NFYA: variants seen among roughly 807,000 people sequenced by gnomAD.
The protein encoded by NFYA is nuclear transcription factor Y subunit alpha.
A neutral mutation model predicts 52.8 loss-of-function variants in NFYA; 28 were observed. The ratio of observed to expected loss-of-function variants is 0.53; its 90% CI spans 0.39 to 0.73. The LOEUF (loss-of-function observed/expected upper bound fraction) is 0.73. NFYA is among the 30% of genes least tolerant of loss of function. The pLI, the probability that NFYA is intolerant of heterozygous loss-of-function variation, is 0.00. For synonymous variants in NFYA, 150 were observed against 150.7 expected, an observed-to-expected ratio of 1.00 and a Z score of 0.03; for missense variants, 234 against 427.0, an observed-to-expected ratio of 0.55 and a Z score of 3.98.
Position 41,090,519 on chromosome 6 carries a change from T to C in NFYA, c.547+210T>C, listed in dbSNP as rs1764171797. On this transcript the variant is annotated intron_variant, in intron 6 of 9. Coordinates refer to ENST00000341376, the MANE Select transcript of NFYA (RefSeq NM_002505.5). Reference sequence around the variant, plus strand: ...ATTCCATGTGTAGCAGTTTCTATAGTGGTTGCTAATCTAGGGATTGTGTAA... The same window carrying C: ...ATTCCATGTGTAGCAGTTTCTATAGCGGTTGCTAATCTAGGGATTGTGTAA... Among the ~76,000 whole-genome samples the C allele has an allele frequency of 2.0e-5, 3 of 152,316 alleles. No individual in the cohort carries two copies. The South Asian group carries it at 6.2e-4, about 32-fold the overall frequency.
chr6:41,079,612 T>C (rs1763852809), intron 2 of NFYA, among the ~76,000 whole-genome samples: 1 of 152,226 alleles, frequency 6.6e-6, no homozygotes, highest in Non-Finnish European at 1.5e-5. Flanking sequence ...GGATAATATT[T>C]AGACAGCCAT....
Position 41,101,213 on chromosome 6 carries a change from C to G in NFYA, c.*3803C>G, listed in dbSNP as rs1298315978. 1.3e-5 allele frequency: 2 copies of G among 152,276 alleles called. No individual in the cohort carries two copies. Among genetic ancestry groups the G allele is most frequent in the African/African-American group, 4.8e-5 (2 of 41,456 alleles). 9.4% of individuals were successfully genotyped at this position (152,276 alleles called of 1,614,324 possible). ...ACGGCCGGCACTTGCACTTAAGTCT[C>G]CTGGCCTGCGGGAGAGGCGGCCGTT... On this transcript the variant is annotated 3_prime_UTR_variant, in exon 10 of 10. Coordinates refer to ENST00000341376, the MANE Select transcript of NFYA (RefSeq NM_002505.5).
At chr6:41,087,670 A>C (rs1764083543) in intron 4 of NFYA, among the ~76,000 whole-genome samples, 1 of 152,178 alleles carries the variant, frequency 6.6e-6, no homozygotes, top group African/African-American at 2.4e-5. Flanking sequence ...AAAATACAAG[A>C]CATTTTGAGC....
intron 1 of NFYA, among the ~76,000 whole-genome samples, chr6:41,077,542 GTAT>G (rs1423952513): frequency 2.6e-5 from 2 of 75,548 alleles, no homozygotes; most frequent in South Asian, 4.1e-4. Flanking sequence ...AGCCATAAAT[GTAT>G]TGTGTATTAG....
chr6:41,096,640 A>T (rs918940683), intron 9 of NFYA, among the ~76,000 whole-genome samples: 2 of 152,188 alleles, frequency 1.3e-5, no homozygotes, highest in Admixed American at 6.5e-5. Context: ...TTTTTCTCAG[A>T]TCCTGCCTAC....
chr6:41,084,853 T>G (rs2113802121), intron 4 of NFYA, among the ~76,000 whole-genome samples: 1 of 152,234 alleles, frequency 6.6e-6, no homozygotes, highest in Non-Finnish European at 1.5e-5. Flanking sequence ...TCCCAGCTAC[T>G]TGGGGGGTTG....
intron 8 of NFYA, among the ~76,000 whole-genome samples, chr6:41,093,932 A>G (rs1416684530): frequency 2.0e-5 from 3 of 152,172 alleles, no homozygotes; most frequent in African/African-American, 7.2e-5. Context: ...AGGCAGGAGG[A>G]TCACATGAGC....
In NFYA at chr6:41,079,074, C is replaced by T. The variant is rs1464106521; in HGVS notation, c.-16C>T. 1 of 1,612,540 alleles carries T rather than the reference C, an allele frequency of 6.2e-7. No homozygotes were observed. Among genetic ancestry groups the T allele is most frequent in the African/African-American group, 1.3e-5 (1 of 74,906 alleles). ...TAGGATCTCCAGAGTGGACAGGAAT[C>T]TCACTTGGAGGGACCATGGAGCAGT... On this transcript the variant is annotated 5_prime_UTR_variant, in exon 2 of 10. Transcript: ENST00000341376.
rs1462287157 is a variant in NFYA at position 41,101,893 on chromosome 6, G to T, written c.*4483G>T. ...AAGTTACACCATGTTAATGGATAAA[G>T]GAATTACTCAGCTTGAAGGGATCTG... On this transcript the variant is annotated 3_prime_UTR_variant, in exon 10 of 10. Transcript: ENST00000341376. 6.6e-6 allele frequency: 1 copy of T among 152,212 alleles called. No individual in the cohort carries two copies. Among genetic ancestry groups the T allele is most frequent in the Non-Finnish European group, 1.5e-5 (1 of 68,044 alleles). The allele number at this position is 152,212 out of a possible 1,614,324, so 9.4% of individuals were successfully genotyped here.
chr6:41,075,290 T>G (rs1195432864), intron 1 of NFYA: 1 of 152,226 alleles, frequency 6.6e-6, no homozygotes, highest in Non-Finnish European at 1.5e-5. Context: ...GCTCAAGCCA[T>G]CCTCCCTTCT....
intron 1 of NFYA, chr6:41,075,233 C>T (rs969380986): frequency 6.6e-6 from 1 of 152,178 alleles, no homozygotes; most frequent in African/African-American, 2.4e-5. Flanking sequence ...GTCATCCAGG[C>T]TGGAGTACAG....
At chr6:41,081,326 A>G (rs985866596) in intron 3 of NFYA, among the ~76,000 whole-genome samples, 1 of 152,102 alleles carries the variant, frequency 6.6e-6, no homozygotes, top group Non-Finnish European at 1.5e-5. Context: ...TGTCTCTACT[A>G]AAAATACAAA....
chr6:41,101,703 A>C lies in NFYA; in HGVS notation c.*4293A>C, dbSNP rs570887804. Among the ~76,000 whole-genome samples the C allele has an allele frequency of 3.3e-5, 5 of 152,176 alleles. No homozygotes were observed. The highest frequency in any genetic ancestry group is 5.9e-5 in the Non-Finnish European group (4 of 68,038). On this transcript the variant is annotated 3_prime_UTR_variant, in exon 10 of 10. Transcript: ENST00000341376. ...TGTGTGAGTGGTTCTCTAGCCAGAC[A>C]TGAGGAGGGATCCTATTGTTTCCCA...
At chr6:41,087,985 A>G (rs1350711441) in intron 4 of NFYA, among the ~76,000 whole-genome samples, 5 of 152,212 alleles carry the variant, frequency 3.3e-5, no homozygotes, top group Non-Finnish European at 7.3e-5. Flanking sequence ...GATACAAATT[A>G]AATCAACAAA....
intron 3 of NFYA, 131 bp from the exon 4 acceptor site, chr6:41,083,915 A>G (rs1763975686): frequency 1.2e-6 from 1 of 830,226 alleles, no homozygotes; most frequent in Non-Finnish European, 1.8e-6. Context: ...GACTTGAGAC[A>G]TATATTTTCT....
chr6:41,097,315 T>C (rs1470262187), intron 9 of NFYA, 42 bp from the exon 10 acceptor site: 1 of 1,605,540 alleles, frequency 6.2e-7, no homozygotes. Flanking sequence ...TTCCTGTTGC[T>C]TTTGCAAAGG....
At chr6:41,097,036 A>G (rs1299861744) in intron 9 of NFYA, among the ~76,000 whole-genome samples, 1 of 152,224 alleles carries the variant, frequency 6.6e-6, no homozygotes, top group African/African-American at 2.4e-5. Context: ...TTTTCCTTAG[A>G]CACCTGAATC....
At chr6:41,084,270 A>G in intron 4 of NFYA, 78 bp downstream of exon 4, 12 of 1,488,186 alleles carry the variant, frequency 8.1e-6, no homozygotes, top group Non-Finnish European at 1.1e-5. Flanking sequence ...CCTATTTGAT[A>G]ATTGATATTG....
intron 1 of NFYA, 134 bp from the exon 2 acceptor site, chr6:41,078,891 TACTG>T (rs1763827771): frequency 2.9e-5 from 15 of 511,776 alleles, no homozygotes; most frequent in Middle Eastern, 7.4e-4. Context: ...TTAAAAATGA[TACTG>T]AATATAAGCA....
Sources: gnomAD v4.1 joint callset for allele counts (sites outside exome capture counted in the v4.1 genomes callset) on GRCh38, gnomAD v4.1.1 for gene constraint, MANE v1.5 for transcripts, NCBI Gene and HGNC (gene_info 2026-07-23, HGNC 2026-07-21) for gene names.